EMP2: variants seen among roughly 807,000 people sequenced by gnomAD.
EMP2 encodes epithelial membrane protein 2.
In EMP2, 19 loss-of-function variants were observed where a neutral mutation model predicts 13.7. The observed-to-expected ratio is 1.38, with a 90% CI of 0.97 to 2.03. EMP2 has a LOEUF of 2.03. EMP2 is among the 30% of genes most tolerant of loss of function. EMP2 has a pLI of 0.00. For synonymous variants in EMP2, 97 were observed against 84.7 expected (o/e 1.15, Z -0.80); for missense variants, 253 against 220.7 (o/e 1.15, Z -0.93).
rs2050573308 is a variant in EMP2, at chr16:10,528,564, T to C, written c.*4341A>G. 6.6e-6 allele frequency: 1 copy of C among 152,236 alleles called. No individual in the cohort carries two copies. The highest frequency in any genetic ancestry group is 2.4e-5 in the African/African-American group (1 of 41,456). The allele number at this position is 152,236 out of a possible 1,614,324, so 9.4% of individuals were successfully genotyped here. ...CATCACCGTTGGGAACATTAGAGTC[T>C]TGCTCTGGGCAATCTGGTTTTAAAC... On this transcript the variant is annotated 3_prime_UTR_variant, in exon 5 of 5. Coordinates refer to ENST00000359543, the MANE Select transcript of EMP2 (RefSeq NM_001424.6).
At chr16:10,542,381 G>C (rs1490998370) in intron 3 of EMP2, among the ~76,000 whole-genome samples, 4 of 152,110 alleles carry the variant, frequency 2.6e-5, no homozygotes, top group South Asian at 2.1e-4. Flanking sequence ...CTGGGTGACA[G>C]AGTGAGACCC....
At position 10,554,801 on chromosome 16, in the gene EMP2, G is replaced by C. The variant is rs117514313; in HGVS notation, c.-60-7124C>G. ...CACGGTTCCCTGGAGCGGTCTCTCCGTTTCACCCTCAGCTGGCTCTCTGGC... is the reference window on the plus strand; with the variant it reads ...CACGGTTCCCTGGAGCGGTCTCTCCCTTTCACCCTCAGCTGGCTCTCTGGC... On this transcript the variant is annotated intron_variant, in intron 1 of 4. Coordinates refer to ENST00000359543, the MANE Select transcript of EMP2 (RefSeq NM_001424.6). Among the ~76,000 whole-genome samples the C allele has an allele frequency of 7.4e-3, 1,118 of 152,058 alleles. 5 individuals carry two copies. Among genetic ancestry groups the C allele is most frequent in the Non-Finnish European group, 0.011 (777 of 67,978 alleles).
chr16:10,574,917 C>G (rs1410767648), intron 1 of EMP2, among the ~76,000 whole-genome samples: 4 of 151,966 alleles, frequency 2.6e-5, no homozygotes, highest in Admixed American at 2.6e-4. Context: ...GTACGTGGAA[C>G]AATCATAGCT....
At chr16:10,537,584 C>G (rs1374368162) in intron 4 of EMP2, among the ~76,000 whole-genome samples, 1 of 152,182 alleles carries the variant, frequency 6.6e-6, no homozygotes, top group Non-Finnish European at 1.5e-5. Flanking sequence ...ATGCTGTTCC[C>G]TCTACCCAGG....
At chr16:10,575,965 C>G (rs1015539574) in intron 1 of EMP2, among the ~76,000 whole-genome samples, 1 of 152,078 alleles carries the variant, frequency 6.6e-6, no homozygotes, top group Non-Finnish European at 1.5e-5. Flanking sequence ...AAGTGTGACA[C>G]GTCCATCCCA....
At chr16:10,539,537 C>T (rs1188048457) in intron 3 of EMP2, among the ~76,000 whole-genome samples, 5 of 152,028 alleles carry the variant, frequency 3.3e-5, no homozygotes, top group African/African-American at 7.3e-5. Flanking sequence ...TGGTTGCCCT[C>T]GGGGCAGAAA....
At chr16:10,569,407 G>A (rs559534690) in intron 1 of EMP2, among the ~76,000 whole-genome samples, 1 of 152,268 alleles carries the variant, frequency 6.6e-6, no homozygotes, top group Admixed American at 6.5e-5. Context: ...ATCACAGCTT[G>A]CTGCAGCCTT....
intron 1 of EMP2, among the ~76,000 whole-genome samples, chr16:10,575,270 T>TTG (rs1596383948): frequency 1.1e-5 from 1 of 89,332 alleles, no homozygotes; most frequent in East Asian, 2.9e-4. Flanking sequence ...TTTTTTTTTT[T>TTG]TGAGACAGAG....
rs776219165 is a variant in EMP2, at chr16:10,537,847, C to T, written c.316+81G>A. Reference sequence around the variant, plus strand: ...TTCTCCTTTCCAAATTCTCCCTCCTCCTGGCTTCCCTCCTGGCGGCTGGGA... The same window carrying T: ...TTCTCCTTTCCAAATTCTCCCTCCTTCTGGCTTCCCTCCTGGCGGCTGGGA... On this transcript the variant is annotated intron_variant, in intron 4 of 4. Coordinates refer to ENST00000359543, the MANE Select transcript of EMP2 (RefSeq NM_001424.6). The T allele has an allele frequency of 5.5e-5, 86 of 1,565,260 alleles. 1 individual carries two copies. The highest frequency in any genetic ancestry group is 3.6e-4 in the South Asian group (30 of 84,342).
At chr16:10,569,499 TG>T (rs2050932159) in intron 1 of EMP2, among the ~76,000 whole-genome samples, 1 of 151,912 alleles carries the variant, frequency 6.6e-6, no homozygotes, top group Non-Finnish European at 1.5e-5. Context: ...TTTTATTTTT[TG>T]TACAGATGGG....
chr16:10,547,886 T>G (rs1343530990), intron 1 of EMP2, among the ~76,000 whole-genome samples: 14 of 151,744 alleles, frequency 9.2e-5, no homozygotes, highest in Admixed American at 9.2e-4. Context: ...TAAAAGAAAA[T>G]TAGCTGGGCG....
chr16:10,542,236 A>G (rs1311874321), intron 3 of EMP2, among the ~76,000 whole-genome samples: 1 of 152,118 alleles, frequency 6.6e-6, no homozygotes, highest in East Asian at 1.9e-4. Context: ...CATCTCTACA[A>G]AAATTACGAA....
At chr16:10,575,378 C>A (rs1188176568) in intron 1 of EMP2, among the ~76,000 whole-genome samples, 1 of 150,204 alleles carries the variant, frequency 6.7e-6, no homozygotes, top group Non-Finnish European at 1.5e-5. Flanking sequence ...CTCAGCCTCC[C>A]AAGTAGCTGG....
intron 1 of EMP2, among the ~76,000 whole-genome samples, chr16:10,556,536 G>A (rs1037990066): frequency 1.3e-5 from 2 of 152,164 alleles, no homozygotes; most frequent in South Asian, 2.1e-4. Flanking sequence ...CTAACTGTGG[G>A]CAGGACAGAG....
chr16:10,533,071 G>A lies in EMP2; in HGVS notation c.338C>T (p.Ala113Val). ...TTCACGCCTGTCTGTATAAATGGAG[G>A]CCGCAATCATGACACACAGACCTGT... The part of the protein sequence containing the change: ...LMSCLCVMIA[A>V]SIYTDRREDI... Residue 113 changes from alanine to valine, a missense_variant, in exon 5 of 5, where the codon GCC becomes GTC. Coordinates refer to ENST00000359543, the MANE Select transcript of EMP2 (RefSeq NM_001424.6). 6.3e-7 allele frequency: 1 copy of A among 1,589,880 alleles called. No individual in the cohort carries two copies.
rs1048065935 is a variant in EMP2 at position 10,528,842 on chromosome 16, T to A, written c.*4063A>T. On this transcript the variant is annotated 3_prime_UTR_variant, in exon 5 of 5. Transcript: ENST00000359543. ...ATTTTAAACTACGATACAGTTTCTA[T>A]CTAGGCCACTGTGTTTAGTGTGTTT... The A allele has an allele frequency of 6.6e-6, 1 of 152,226 alleles. No homozygotes were observed. Among genetic ancestry groups the A allele is most frequent in the Non-Finnish European group, 1.5e-5 (1 of 68,042 alleles). 9.4% of individuals were successfully genotyped at this position (152,226 alleles called of 1,614,324 possible).
intron 1 of EMP2, among the ~76,000 whole-genome samples, chr16:10,549,390 A>G (rs917806183): frequency 2.6e-5 from 4 of 152,226 alleles, no homozygotes; most frequent in African/African-American, 9.6e-5. Flanking sequence ...AGCATTCAAA[A>G]GAATGCTTTA....
At chr16:10,541,387 TTTTTG>T (rs763209360) in intron 3 of EMP2, among the ~76,000 whole-genome samples, 4 of 152,342 alleles carry the variant, frequency 2.6e-5, no homozygotes, top group Non-Finnish European at 4.4e-5. Context: ...TTGAATGTTC[TTTTTG>T]TTTTGTTTTT....
At chr16:10,571,172 G>A (rs955949400) in intron 1 of EMP2, among the ~76,000 whole-genome samples, 3 of 144,290 alleles carry the variant, frequency 2.1e-5, no homozygotes, top group Non-Finnish European at 3.0e-5. Flanking sequence ...CAGGAGAATC[G>A]CTTGAACCAG....
Sources: gnomAD v4.1 joint callset for allele counts (sites outside exome capture counted in the v4.1 genomes callset) on GRCh38, gnomAD v4.1.1 for gene constraint, MANE v1.5 for transcripts, NCBI Gene and HGNC (gene_info 2026-07-23, HGNC 2026-07-21) for gene names.